Variants in PRPF39 observed in about 807,000 individuals in gnomAD.
The protein encoded by PRPF39 is pre-mRNA processing factor 39.
A neutral mutation model predicts 82.1 loss-of-function variants in PRPF39; 27 were observed. That is an observed-to-expected ratio of 0.33 (90% CI 0.24 to 0.45). PRPF39 has a LOEUF of 0.45. Among genes scored for constraint, PRPF39 ranks in the 20% least tolerant of loss-of-function variants. The pLI, the probability that PRPF39 is intolerant of heterozygous loss-of-function variation, is 1.00. For synonymous variants in PRPF39, 261 were observed against 256.4 expected (o/e 1.02, Z -0.17); for missense variants, 581 against 796.9 (o/e 0.73, Z 3.26).
chr14:45,084,963 T>C (rs1392658847), intron 1 of PRPF39, among the ~76,000 whole-genome samples: 1 of 152,222 alleles, frequency 6.6e-6, no homozygotes, highest in African/African-American at 2.4e-5. Flanking sequence ...TTTATGCTGA[T>C]TCAAATGTTG....
chr14:45,107,991 T>A (rs917049046), intron 6 of PRPF39, among the ~76,000 whole-genome samples: 32 of 152,084 alleles, frequency 2.1e-4, no homozygotes, highest in African/African-American at 7.5e-4. Context: ...ACTCCATGAG[T>A]GGCACAGTGA....
chr14:45,114,416 T>A, intron 12 of PRPF39, 78 bp from the exon 13 acceptor site: 11 of 1,432,266 alleles, frequency 7.7e-6, no homozygotes, highest in Non-Finnish European at 1.0e-5. Flanking sequence ...AAAACAAATA[T>A]ACAGATAACA....
intron 7 of PRPF39, 112 bp from the exon 8 acceptor site, chr14:45,109,504 T>C (rs570901104): frequency 1.1e-6 from 1 of 874,948 alleles, no homozygotes; most frequent in African/African-American, 1.8e-5. Context: ...TGAAATATGA[T>C]TAAAAATTTT....
rs750214163 is a variant in PRPF39 at position 45,110,052 on chromosome 14, TCAACTG to T, written c.1177-41_1177-36del. 1.0e-5 allele frequency: 16 copies of T among 1,607,598 alleles called. No homozygotes were observed. In the Admixed American group the frequency reaches 1.0e-4, roughly 10 times the overall value. The stretch of plus-strand genomic sequence containing the variant: ...TTCTGTCACAAATTTAATGGCTTGT[TCAACTG>T]TAAATTATTCAGTATTTCCTCTTTT... On this transcript the variant is annotated intron_variant, in intron 8 of 13. Transcript: ENST00000355765. This position sits in a 1 kb window ranked among gnomAD's most constrained non-coding sequence, Gnocchi z 4.0.
chr14:45,101,978 T>G (rs1332903060), intron 4 of PRPF39, among the ~76,000 whole-genome samples: 1 of 151,868 alleles, frequency 6.6e-6, no homozygotes, highest in African/African-American at 2.4e-5. Flanking sequence ...GGCTAATTTT[T>G]TGTATTTTTG....
In PRPF39 at chr14:45,101,665, C is replaced by T. The variant is rs143175661; in HGVS notation, c.570-864C>T. Among the ~76,000 whole-genome samples the T allele has an allele frequency of 7.9e-4, 120 of 152,006 alleles. 2 individuals carry two copies. The East Asian group carries it at 0.022, about 28-fold the overall frequency. ...ATTTTTAGTAGAGATGGGGTTTCGC[C>T]GTGTTGGCAAGGCTGGTCTCAAACT... On this transcript the variant is annotated intron_variant, in intron 4 of 13. Coordinates refer to ENST00000355765, the MANE Select transcript of PRPF39 (RefSeq NM_017922.4).
chr14:45,100,402 C>T (rs1884337580), intron 4 of PRPF39, among the ~76,000 whole-genome samples: 1 of 152,118 alleles, frequency 6.6e-6, no homozygotes, highest in Non-Finnish European at 1.5e-5. Context: ...ATATCTTATT[C>T]CTGAGCCAAG....
At chr14:45,106,251 A>T (rs1019410222) in intron 5 of PRPF39, among the ~76,000 whole-genome samples, 3 of 152,102 alleles carry the variant, frequency 2.0e-5, no homozygotes, top group Non-Finnish European at 4.4e-5. Context: ...TGGGAGGCTG[A>T]GGCAGGAGAA....
chr14:45,095,645 T>C (rs1463923495), intron 2 of PRPF39, 82 bp downstream of exon 2: 47 of 1,427,368 alleles, frequency 3.3e-5, no homozygotes, highest in Non-Finnish European at 4.3e-5. Flanking sequence ...CCTTATTGTT[T>C]ATGATTAAAA....
chr14:45,113,799 T>C (rs973269321), intron 11 of PRPF39, among the ~76,000 whole-genome samples: 2 of 152,140 alleles, frequency 1.3e-5, no homozygotes. Context: ...ATCTGCTTGA[T>C]TGGAGGTTTT....
chr14:45,113,826 C>T (rs947709261), intron 11 of PRPF39, among the ~76,000 whole-genome samples: 2 of 152,098 alleles, frequency 1.3e-5, no homozygotes, highest in African/African-American at 2.4e-5. Flanking sequence ...GTAGTGGAAG[C>T]GTGATCTTGA....
In PRPF39 at chr14:45,115,993, T is replaced by C; in HGVS notation, c.*1080T>C. ...CTCCTTGACCAGTATTTTACACAGC[T>C]GTAGGAAAGTATTTTAGACCAGGGA... On this transcript the variant is annotated 3_prime_UTR_variant, in exon 14 of 14. Transcript: ENST00000355765. 1.9e-6 allele frequency: 1 copy of C among 537,842 alleles called. No individual in the cohort carries two copies. Among genetic ancestry groups the C allele is most frequent in the Non-Finnish European group, 3.4e-6 (1 of 296,850 alleles). 33.3% of individuals were successfully genotyped at this position (537,842 alleles called of 1,614,324 possible).
At position 45,105,805 on chromosome 14, in the gene PRPF39, C is replaced by T. The variant is rs1456320352; in HGVS notation, c.738-1646C>T. 4.0e-5 allele frequency among the ~76,000 whole-genome samples: 6 copies of T among 151,782 alleles called. No individual in the cohort carries two copies. The South Asian group carries it at 1.2e-3, about 32-fold the overall frequency. Reference sequence around the variant, plus strand: ...CCTCCCAAAGTGCTGGGATTACAGGCGTCAGCAGGCGCCTGACCTGTTTGC... The same window carrying T: ...CCTCCCAAAGTGCTGGGATTACAGGTGTCAGCAGGCGCCTGACCTGTTTGC... On this transcript the variant is annotated intron_variant, in intron 5 of 13. Coordinates refer to ENST00000355765, the MANE Select transcript of PRPF39 (RefSeq NM_017922.4).
Position 45,115,848 on chromosome 14 carries a change from C to T in PRPF39, c.*935C>T. 1 of 174,960 alleles carries T rather than the reference C, an allele frequency of 5.7e-6. No individual in the cohort carries two copies. 10.8% of individuals were successfully genotyped at this position (174,960 alleles called of 1,614,324 possible). On this transcript the variant is annotated 3_prime_UTR_variant, in exon 14 of 14. Transcript: ENST00000355765. ...CCCTGGTTTGATGAGGTCCTTAGTTCCAATTCCCTAATCAGAACAATAATA... is the reference window on the plus strand; with the variant it reads ...CCCTGGTTTGATGAGGTCCTTAGTTTCAATTCCCTAATCAGAACAATAATA...
At chr14:45,090,864 A>T (rs766618440) in intron 1 of PRPF39, among the ~76,000 whole-genome samples, 1 of 152,100 alleles carries the variant, frequency 6.6e-6, no homozygotes, top group Non-Finnish European at 1.5e-5. Flanking sequence ...TCCATCAGGC[A>T]TTGAAAATTT....
chr14:45,102,788 G>A, intron 5 of PRPF39, 92 bp downstream of exon 5: 1 of 1,245,446 alleles, frequency 8.0e-7, no homozygotes. Context: ...TGTTATGTAA[G>A]CTTTTATTAT....
In PRPF39 at chr14:45,108,506, G is replaced by T; in HGVS notation, c.995G>T (p.Trp332Leu). 6.3e-7 allele frequency: 1 copy of T among 1,597,192 alleles called. No individual in the cohort carries two copies. The highest frequency in any genetic ancestry group is 1.1e-5 in the South Asian group (1 of 87,430). ...AATGAGCATGAAGTTAGTAAAAGGTGGACATTTGAAGAAGGTGTAAGTGTT... is the reference window on the plus strand; with the variant it reads ...AATGAGCATGAAGTTAGTAAAAGGTTGACATTTGAAGAAGGTGTAAGTGTT... ...NYNEHEVSKRWTFEEGIKRPY... is the reference protein window; with the variant it reads ...NYNEHEVSKRLTFEEGIKRPY... The change falls in exon 7 of 14, where the codon TGG becomes TTG. Residue 332 changes from tryptophan (W) to leucine (L), a missense_variant. By Grantham distance (61) the Trp-to-Leu change is moderately conservative. Transcript: ENST00000355765.
At chr14:45,101,866 G>C (rs2139052708) in intron 4 of PRPF39, among the ~76,000 whole-genome samples, 1 of 151,700 alleles carries the variant, frequency 6.6e-6, no homozygotes, top group South Asian at 2.1e-4. Flanking sequence ...GAGTGCAGTG[G>C]TGCAATCTTG....
At chr14:45,086,590 G>T (rs1438041689) in intron 1 of PRPF39, among the ~76,000 whole-genome samples, 1 of 152,130 alleles carries the variant, frequency 6.6e-6, no homozygotes, top group African/African-American at 2.4e-5. Context: ...TCTGGAAATG[G>T]CAATGAGGAG....
Sources: allele counts gnomAD v4.1 joint callset (sites outside exome capture counted in the v4.1 genomes callset), GRCh38; gene constraint gnomAD v4.1.1; non-coding constraint Gnocchi (gnomAD v3.1); transcripts MANE v1.5; gene names NCBI Gene and HGNC (gene_info 2026-07-23, HGNC 2026-07-21).